NCKAP1: variants seen among roughly 807,000 people sequenced by gnomAD.
The protein encoded by NCKAP1 is nck-associated protein 1.
NCKAP1 carries 21 observed loss-of-function variants against 151.2 expected under a neutral mutation model. The ratio of observed to expected loss-of-function variants is 0.14; its 90% CI spans 0.10 to 0.20. The LOEUF (loss-of-function observed/expected upper bound fraction) is 0.20. NCKAP1 is among the 10% of genes least tolerant of loss of function. The pLI, the probability that NCKAP1 is intolerant of heterozygous loss-of-function variation, is 1.00. For missense variants in NCKAP1, 933 were observed against 1,352.1 expected, an observed-to-expected ratio of 0.69 and a Z score of 4.86; for synonymous variants, 484 against 451.8, an observed-to-expected ratio of 1.07 and a Z score of -0.90.
chr2:183,008,765 G>A (rs1053192263), intron 2 of NCKAP1, among the ~76,000 whole-genome samples: 5 of 152,126 alleles, frequency 3.3e-5, no homozygotes, highest in Non-Finnish European at 1.5e-5. Flanking sequence ...TTTCTAAATT[G>A]ATTTAATCCC....
rs1696509797 is a variant in NCKAP1, at chr2:182,919,077, A to AT, written c.*6624dup. On this transcript the variant is annotated 3_prime_UTR_variant, in exon 31 of 31. Transcript: ENST00000361354. ...GATTACTGTGAAGACTAAAAGAGCA[A>AT]TATTTAGAGGTTTGAATTAGAGAAA... The AT allele has an allele frequency of 6.6e-6, 1 of 152,232 alleles. No homozygotes were observed. Among genetic ancestry groups the AT allele is most frequent in the South Asian group, 2.1e-4 (1 of 4,834 alleles). The allele number at this position is 152,232 out of a possible 1,614,324, so 9.4% of individuals were successfully genotyped here. A position where few individuals can be genotyped will look rare whatever the true frequency, so the allele number is the denominator to read the frequency against.
chr2:183,029,821 GAA>G (rs71405500), intron 1 of NCKAP1, among the ~76,000 whole-genome samples: 33 of 50,682 alleles, frequency 6.5e-4, no homozygotes, highest in East Asian at 6.7e-4. Flanking sequence ...ACCCTGACTC[GAA>G]AAAAAAAAAA....
Position 182,981,277 on chromosome 2 carries a change from G to C in NCKAP1, c.1308C>G (p.Gly436=). 6.2e-7 allele frequency: 1 copy of C among 1,613,792 alleles called. No individual in the cohort carries two copies. The change falls in exon 13 of 31, where the codon GGC becomes GGG. Residue 436 remains glycine (G), a synonymous_variant. Transcript: ENST00000361354. ...GTTCATTGAGGACAACAGCATCAAA[G>C]CCAGAAAGGTACTGCACGTAATACC... The part of the protein sequence containing the change: ...MQRYYVQYLS[G]FDAVVLNELV...
At chr2:183,032,968 T>G (rs1442389823) in intron 1 of NCKAP1, among the ~76,000 whole-genome samples, 1 of 152,220 alleles carries the variant, frequency 6.6e-6, no homozygotes, top group African/African-American at 2.4e-5. Context: ...GAGGATCGCC[T>G]GAGCCAGGAG....
At chr2:183,023,953 C>T (rs1698842337) in intron 1 of NCKAP1, 37 bp from the exon 2 acceptor site, 4 of 1,375,122 alleles carry the variant, frequency 2.9e-6, no homozygotes, top group Non-Finnish European at 4.1e-6. Context: ...GTGAAATGCA[C>T]CCTTCTTCTA....
intron 16 of NCKAP1, among the ~76,000 whole-genome samples, chr2:182,965,364 G>A (rs888044244): frequency 4.8e-5 from 7 of 147,246 alleles, no homozygotes; most frequent in African/African-American, 1.8e-4. Flanking sequence ...ACACTTTGTT[G>A]CCCAGGCTGG....
At chr2:182,993,413 T>G (rs539045143) in intron 8 of NCKAP1, among the ~76,000 whole-genome samples, 1 of 152,250 alleles carries the variant, frequency 6.6e-6, no homozygotes, top group East Asian at 1.9e-4. Context: ...CCTGTAAGAA[T>G]GAAAAAACAC....
chr2:182,967,532 T>A (rs1033873974), intron 15 of NCKAP1, among the ~76,000 whole-genome samples, 171 bp from the exon 16 acceptor site: 5 of 152,164 alleles, frequency 3.3e-5, no homozygotes, highest in Non-Finnish European at 7.4e-5. Context: ...GAAATTCCTA[T>A]CAAGAATTTA....
chr2:182,977,211 G>A (rs1158604523), intron 14 of NCKAP1, among the ~76,000 whole-genome samples: 5 of 152,128 alleles, frequency 3.3e-5, no homozygotes, highest in African/African-American at 9.7e-5. Context: ...AATGGAGGCC[G>A]GGAGCAGTGT....
In NCKAP1 at chr2:183,010,295, T is replaced by G. The variant is rs1441441410; in HGVS notation, c.220-6970A>C. ...GTCTTGTAACTTCTGATTTTGCTCT[T>G]TTGGAACACTGCCCTGACGTGCTGT... On this transcript the variant is annotated intron_variant, in intron 2 of 30. Coordinates refer to ENST00000361354, the MANE Select transcript of NCKAP1 (RefSeq NM_013436.5). 2.0e-5 allele frequency among the ~76,000 whole-genome samples: 3 copies of G among 152,200 alleles called. No individual in the cohort carries two copies. In the East Asian group the frequency reaches 5.8e-4, roughly 29 times the overall value.
At chr2:182,938,724 G>A (rs559962715) in intron 24 of NCKAP1, among the ~76,000 whole-genome samples, 1 of 152,266 alleles carries the variant, frequency 6.6e-6, no homozygotes, top group East Asian at 1.9e-4. Flanking sequence ...CTGCTTTGTG[G>A]GAATGAATGT....
intron 2 of NCKAP1, among the ~76,000 whole-genome samples, chr2:183,020,596 G>C (rs1698780235): frequency 6.6e-6 from 1 of 151,758 alleles, no homozygotes; most frequent in Non-Finnish European, 1.5e-5. Context: ...AGTAGAAATA[G>C]TAATAACCTA....
At position 182,915,071 on chromosome 2, in the gene NCKAP1, CACAG is replaced by C. The variant is rs1443054093; in HGVS notation, c.*10627_*10630del. The C allele has an allele frequency of 6.6e-6, 1 of 152,200 alleles. No homozygotes were observed. The highest frequency in any genetic ancestry group is 2.4e-5 in the African/African-American group (1 of 41,450). The allele number at this position is 152,200 out of a possible 1,614,324, so 9.4% of individuals were successfully genotyped here. A position where few individuals can be genotyped will look rare whatever the true frequency, so the allele number is the denominator to read the frequency against. Reference sequence around the variant, plus strand: ...CTGCTCTCAAGGTCACTTCCTCTCACACAGACAGGCAGTGAAACTCATGCTGAGG... The same window carrying C: ...CTGCTCTCAAGGTCACTTCCTCTCACACAGGCAGTGAAACTCATGCTGAGG... On this transcript the variant is annotated 3_prime_UTR_variant, in exon 31 of 31. Coordinates refer to ENST00000361354, the MANE Select transcript of NCKAP1 (RefSeq NM_013436.5).
At chr2:182,931,418 C>T (rs936131111) in intron 26 of NCKAP1, among the ~76,000 whole-genome samples, 5 of 151,870 alleles carry the variant, frequency 3.3e-5, no homozygotes, top group Non-Finnish European at 7.4e-5. Flanking sequence ...GTATAAAATA[C>T]GAAGTAAAAT....
chr2:183,035,184 C>T (rs1364033203), intron 1 of NCKAP1, among the ~76,000 whole-genome samples: 4 of 151,860 alleles, frequency 2.6e-5, no homozygotes, highest in Non-Finnish European at 2.9e-5. Flanking sequence ...CCCTAAAATC[C>T]GCTTTTATGT....
chr2:182,970,912 A>T (rs1171237620), intron 15 of NCKAP1, among the ~76,000 whole-genome samples: 1 of 152,186 alleles, frequency 6.6e-6, no homozygotes, highest in African/African-American at 2.4e-5. Flanking sequence ...CATGACATAA[A>T]CTCAACATAC....
rs1033270190 is a variant in NCKAP1, at chr2:182,920,901, C to T, written c.*4801G>A. 2 of 147,510 alleles carry T rather than the reference C, an allele frequency of 1.4e-5. No homozygotes were observed. The highest frequency in any genetic ancestry group is 4.1e-4 in the East Asian group (2 of 4,894). The allele number at this position is 147,510 out of a possible 1,614,324, so 9.1% of individuals were successfully genotyped here. On this transcript the variant is annotated 3_prime_UTR_variant, in exon 31 of 31. Coordinates refer to ENST00000361354, the MANE Select transcript of NCKAP1 (RefSeq NM_013436.5). ...GCAAACACATGCATAAAAAAAAAAT[C>T]AGAAATAATGAAAGTAAACAAGGGC...
Position 182,920,450 on chromosome 2 carries a change from C to T in NCKAP1, c.*5252G>A, listed in dbSNP as rs1004599612. On this transcript the variant is annotated 3_prime_UTR_variant, in exon 31 of 31. Coordinates refer to ENST00000361354, the MANE Select transcript of NCKAP1 (RefSeq NM_013436.5). ...CATTTCTAGAACCAAAATATGAGTC[C>T]GTGTGGGCTGCTATAACGAAATGCC... 4 of 152,118 alleles carry T rather than the reference C, an allele frequency of 2.6e-5. No homozygotes were observed. Among genetic ancestry groups the T allele is most frequent in the Admixed American group, 6.5e-5 (1 of 15,268 alleles). The allele number at this position is 152,118 out of a possible 1,614,324, so 9.4% of individuals were successfully genotyped here.
At chr2:182,998,682 T>G (rs1222244422) in intron 6 of NCKAP1, among the ~76,000 whole-genome samples, 3 of 151,494 alleles carry the variant, frequency 2.0e-5, no homozygotes, top group Non-Finnish European at 4.4e-5. Context: ...ATACAAAAAT[T>G]AGCTGGGCGT....
Sources: allele counts gnomAD v4.1 joint callset (sites outside exome capture counted in the v4.1 genomes callset), GRCh38; gene constraint gnomAD v4.1.1; transcripts MANE v1.5; gene names NCBI Gene and HGNC (gene_info 2026-07-23, HGNC 2026-07-21).